Variants in MYL12A observed in about 807,000 individuals in gnomAD.
The protein encoded by MYL12A is myosin light chain 12A, also known as myosin regulatory light chain 12A.
MYL12A carries 11 observed loss-of-function variants against 13.3 expected under a neutral mutation model. The observed-to-expected ratio is 0.83, with a 90% CI of 0.52 to 1.37. The LOEUF (loss-of-function observed/expected upper bound fraction) is 1.37, where lower values mean the gene tolerates loss of function less well. MYL12A is among the 40% of genes most tolerant of loss of function. The pLI is 0.00. For missense variants in MYL12A, 146 were observed against 212.3 expected, an observed-to-expected ratio of 0.69 and a Z score of 1.94; for synonymous variants, 51 against 69.9, an observed-to-expected ratio of 0.73 and a Z score of 1.35.
intron 1 of MYL12A, among the ~76,000 whole-genome samples, chr18:3,250,831 A>G (rs1215116006): frequency 1.3e-5 from 2 of 152,094 alleles, no homozygotes; most frequent in African/African-American, 4.8e-5. Context: ...ATTATGTACC[A>G]TGTTAGGAAT....
At position 3,255,842 on chromosome 18, in the gene MYL12A, T is replaced by C. The variant is rs1343997693; in HGVS notation, c.440T>C (p.Ile147Thr). The C allele has an allele frequency of 6.2e-7, 1 of 1,614,112 alleles. No homozygotes were observed. Among genetic ancestry groups the C allele is most frequent in the Non-Finnish European group, 8.5e-7 (1 of 1,180,014 alleles). The change falls in exon 4 of 4, where the codon ATT becomes ACT. Residue 147 changes from isoleucine (I) to threonine (T), a missense_variant. Transcript: ENST00000217652. Reference sequence around the variant, plus strand: ...GATGAGCTGTACAGAGAAGCACCTATTGATAAAAAGGGGAATTTCAATTAC... The same window carrying C: ...GATGAGCTGTACAGAGAAGCACCTACTGATAAAAAGGGGAATTTCAATTAC... ...EVDELYREAPIDKKGNFNYIE... is the reference protein window; with the variant it reads ...EVDELYREAPTDKKGNFNYIE...
intron 1 of MYL12A, chr18:3,248,187 T>C (rs1279921032): frequency 2.6e-5 from 4 of 152,352 alleles, no homozygotes; most frequent in Admixed American, 2.0e-4. Flanking sequence ...CCTGCAGAGC[T>C]GACTCCGGGA....
intron 1 of MYL12A, among the ~76,000 whole-genome samples, chr18:3,252,754 TGTTA>T (rs1431938070): frequency 6.6e-6 from 1 of 152,182 alleles, no homozygotes; most frequent in East Asian, 1.9e-4. Context: ...CAATAAAAAA[TGTTA>T]GTTGAAAGTG....
Position 3,253,095 on chromosome 18 carries a change from T to C in MYL12A, c.-15-138T>C, listed in dbSNP as rs2081502603. 8 of 898,916 alleles carry C rather than the reference T, an allele frequency of 8.9e-6. No homozygotes were observed. The South Asian group carries it at 1.6e-4, about 17-fold the overall frequency. The allele number at this position is 898,916 out of a possible 1,614,324, so 55.7% of individuals were successfully genotyped here. On this transcript the variant is annotated intron_variant, in intron 1 of 3. Coordinates refer to ENST00000217652, the MANE Select transcript of MYL12A (RefSeq NM_006471.4). ...TATGTAATCTTGTTGAGATGTGTCT[T>C]CTAAAGACACATTTCTGAGTAGCTC...
intron 1 of MYL12A, among the ~76,000 whole-genome samples, chr18:3,250,469 C>T (rs2081473721): frequency 6.6e-6 from 1 of 152,152 alleles, no homozygotes; most frequent in South Asian, 2.1e-4. Flanking sequence ...TCTCCCCACA[C>T]TTTTAGTTTG....
chr18:3,251,395 GCTGACATTTC>G (rs1481098045), intron 1 of MYL12A, among the ~76,000 whole-genome samples: 8 of 152,100 alleles, frequency 5.3e-5, no homozygotes, highest in Non-Finnish European at 1.0e-4. Context: ...TCTTAAAATA[GCTGACATTTC>G]TGCATCATTA....
intron 3 of MYL12A, 125 bp from the exon 4 acceptor site, chr18:3,255,620 TG>T: frequency 1.6e-6 from 2 of 1,224,888 alleles, no homozygotes. Flanking sequence ...GTGGACACCC[TG>T]TAGTTCATAT....
intron 1 of MYL12A, chr18:3,252,265 TCTTA>T: frequency 1.4e-6 from 2 of 1,402,460 alleles, no homozygotes; most frequent in African/African-American, 1.4e-5. Context: ...CAATGCAGTG[TCTTA>T]CTTTTGCTGC....
chr18:3,255,976 T>G lies in MYL12A; in HGVS notation c.*58T>G, dbSNP rs1175630986. 6.3e-7 allele frequency: 1 copy of G among 1,580,738 alleles called. No homozygotes were observed. Among genetic ancestry groups the G allele is most frequent in the Non-Finnish European group, 8.6e-7 (1 of 1,159,894 alleles). On this transcript the variant is annotated 3_prime_UTR_variant, in exon 4 of 4. Transcript: ENST00000217652. Reference sequence around the variant, plus strand: ...TTGCCACTTTGGGTATTCTGAGATTTTCTCTTGCATGCCCTTAGCTTTACA... The same window carrying G: ...TTGCCACTTTGGGTATTCTGAGATTGTCTCTTGCATGCCCTTAGCTTTACA...
At chr18:3,249,353 C>T (rs1323208913) in intron 1 of MYL12A, 1 of 152,102 alleles carries the variant, frequency 6.6e-6, no homozygotes, top group Non-Finnish European at 1.5e-5. Context: ...GTGTATCTCT[C>T]GTTACAGCCC....
intron 3 of MYL12A, 94 bp downstream of exon 3, chr18:3,254,144 G>A (rs2081515628): frequency 2.2e-6 from 3 of 1,384,644 alleles, no homozygotes; most frequent in Non-Finnish European, 3.0e-6. Flanking sequence ...AACGCTCTCA[G>A]GTTTGTACTA....
intron 1 of MYL12A, among the ~76,000 whole-genome samples, chr18:3,250,198 A>G (rs1305663680): frequency 6.6e-6 from 1 of 152,222 alleles, no homozygotes; most frequent in African/African-American, 2.4e-5. Context: ...GTGCACATGT[A>G]CCCTAAAACT....
intron 3 of MYL12A, among the ~76,000 whole-genome samples, chr18:3,254,862 T>G (rs566668195): frequency 7.2e-5 from 11 of 152,352 alleles, no homozygotes; most frequent in Non-Finnish European, 1.3e-4. Flanking sequence ...CCTCCATTAG[T>G]GGGACGAGTT....
chr18:3,251,158 T>C (rs1290830969), intron 1 of MYL12A, among the ~76,000 whole-genome samples: 4 of 151,466 alleles, frequency 2.6e-5, no homozygotes, highest in Non-Finnish European at 5.9e-5. Context: ...AAAAAAAAGC[T>C]TTTTTACTTT....
chr18:3,252,344 G>A, intron 1 of MYL12A: 2 of 1,532,046 alleles, frequency 1.3e-6, no homozygotes, highest in Non-Finnish European at 1.7e-6. Flanking sequence ...GAATTTTATT[G>A]TCTGATGACT....
intron 1 of MYL12A, chr18:3,248,644 A>T (rs1273198035): frequency 1.3e-5 from 2 of 152,238 alleles, no homozygotes; most frequent in African/African-American, 2.4e-5. Flanking sequence ...TCTTAAAATT[A>T]TTGGTATTTG....
chr18:3,247,934 C>A (rs1156805866), intron 1 of MYL12A, 25 bp downstream of exon 1: 1 of 152,250 alleles, frequency 6.6e-6, no homozygotes, highest in African/African-American at 2.4e-5. Context: ...CGTTCGGGCG[C>A]GTGAGACCCA....
chr18:3,253,262 AACAAAG>A lies in MYL12A; in HGVS notation c.18_23del (p.Thr10_Lys11del), dbSNP rs2081504702. ...TAACCACCACCATGTCGAGCAAAAGAACAAAGACCAAGACCAAGAAGCGCCCTCAGC... is the reference window on the plus strand; with the variant it reads ...TAACCACCACCATGTCGAGCAAAAGAACCAAGACCAAGAAGCGCCCTCAGC... On this transcript the variant is annotated inframe_deletion, in exon 2 of 4. Transcript: ENST00000217652. 1 of 1,613,650 alleles carries A rather than the reference AACAAAG, an allele frequency of 6.2e-7. No homozygotes were observed. Among genetic ancestry groups the A allele is most frequent in the African/African-American group, 1.3e-5 (1 of 75,042 alleles).
intron 1 of MYL12A, 83 bp downstream of exon 1, chr18:3,247,992 C>A (rs2081446774): frequency 6.6e-6 from 1 of 152,328 alleles, no homozygotes; most frequent in Non-Finnish European, 1.5e-5. Context: ...GGCGGGGCTC[C>A]TGGCGCCGGT....
Sources: gnomAD v4.1 joint callset for allele counts (sites outside exome capture counted in the v4.1 genomes callset) on GRCh38, gnomAD v4.1.1 for gene constraint, MANE v1.5 for transcripts, NCBI Gene and HGNC (gene_info 2026-07-23, HGNC 2026-07-21) for gene names.